The following GCC2 variants were observed in gnomAD, a reference collection of about 807,000 sequenced individuals.
GCC2 encodes GRIP and coiled-coil domain-containing protein 2.
Under a neutral mutation model 210.6 loss-of-function variants are expected in GCC2, and 120 were observed. That is an observed-to-expected ratio of 0.57 (90% CI 0.49 to 0.66). GCC2 has a LOEUF of 0.66. Ranked by LOEUF, GCC2 falls within the 30% of genes least tolerant of loss-of-function variation. The probability of loss-of-function intolerance (pLI) is 0.00; values close to 1 mark genes in which losing one functional copy is unlikely to be tolerated. For synonymous variants in GCC2, 703 were observed against 652.7 expected (o/e 1.08, Z -1.17); for missense variants, 1,868 against 1,871.9 (o/e 1.00, Z 0.04).
At chr2:108,477,084 G>C (rs1385358605) in intron 9 of GCC2, among the ~76,000 whole-genome samples, 3 of 152,070 alleles carry the variant, frequency 2.0e-5, no homozygotes. Flanking sequence ...ATTGAAAATT[G>C]TAGATTTTTT....
chr2:108,483,179 A>G lies in GCC2; in HGVS notation c.3450+13A>G, dbSNP rs1458949170. 8.4e-7 allele frequency: 1 copy of G among 1,195,092 alleles called. No homozygotes were observed. The highest frequency in any genetic ancestry group is 1.2e-6 in the Non-Finnish European group (1 of 803,246). The allele number at this position is 1,195,092 out of a possible 1,614,324, so 74.0% of individuals were successfully genotyped here. A position where few individuals can be genotyped will look rare whatever the true frequency, so the allele number is the denominator to read the frequency against. ...GCTGGTTAAAAAGGTAAAATAAAAC[A>G]CTAGGATCAAAATTGATGTAATATT... On this transcript the variant is annotated intron_variant, in intron 12 of 22. Coordinates refer to ENST00000309863, the MANE Select transcript of GCC2 (RefSeq NM_181453.4).
intron 4 of GCC2, among the ~76,000 whole-genome samples, chr2:108,468,461 A>G (rs1238058850): frequency 6.6e-6 from 1 of 152,314 alleles, no homozygotes; most frequent in African/African-American, 2.4e-5. Flanking sequence ...TAGCTGTGTT[A>G]AAAGAGCTGA....
At chr2:108,500,882 C>T (rs1682892002) in intron 22 of GCC2, among the ~76,000 whole-genome samples, 1 of 152,092 alleles carries the variant, frequency 6.6e-6, no homozygotes, top group Admixed American at 6.5e-5. Flanking sequence ...TCTCTGTCAC[C>T]TATACCTAGT....
At position 108,471,489 on chromosome 2, in the gene GCC2, TAAA is replaced by T; in HGVS notation, c.2161_2163del (p.Lys721del). ...TGTCTCAAAAAGAAGATGTTATCCTTAAAGAACATATTACTCAATTAGAAAAGA... is the reference window on the plus strand; with the variant it reads ...TGTCTCAAAAAGAAGATGTTATCCTTGAACATATTACTCAATTAGAAAAGA... On this transcript the variant is annotated inframe_deletion, in exon 6 of 23. Transcript: ENST00000309863. 4 of 1,609,626 alleles carry T rather than the reference TAAA, an allele frequency of 2.5e-6. No homozygotes were observed. Among genetic ancestry groups the T allele is most frequent in the Non-Finnish European group, 3.4e-6 (4 of 1,178,498 alleles).
At position 108,469,756 on chromosome 2, in the gene GCC2, T is replaced by C. The variant is rs1284739793; in HGVS notation, c.427T>C (p.Ser143Pro). The change falls in exon 6 of 23, where the codon TCC (serine) becomes CCC (proline). Residue 143 changes from serine to proline, a missense_variant. This residue lies in a region of GCC2 where 1,847 missense variants were observed against 1,765.2 expected (regional missense o/e 1.05). Coordinates refer to ENST00000309863, the MANE Select transcript of GCC2 (RefSeq NM_181453.4). Reference sequence around the variant, plus strand: ...GAAAAATGAGTTGATGGCAGTACGTTCCAAATACAGTGAAGACAAAGCTAA... The same window carrying C: ...GAAAAATGAGTTGATGGCAGTACGTCCCAAATACAGTGAAGACAAAGCTAA... The part of the protein sequence containing the change: ...NLKNELMAVR[S>P]KYSEDKANLQ... 6.2e-7 allele frequency: 1 copy of C among 1,613,580 alleles called. No individual in the cohort carries two copies. Among genetic ancestry groups the C allele is most frequent in the African/African-American group, 1.3e-5 (1 of 74,888 alleles).
rs2917990 is a variant in GCC2 at position 108,495,557 on chromosome 2, T to G, written c.4642+72T>G. ...CTTATTTAATTACTATTACTCTAAG[T>G]TACATATGCTTTTTTGGGCTGCTCC... On this transcript the variant is annotated intron_variant, in intron 20 of 22. Coordinates refer to ENST00000309863, the MANE Select transcript of GCC2 (RefSeq NM_181453.4). 2.4e-4 allele frequency: 252 copies of G among 1,048,680 alleles called. No homozygotes were observed. The East Asian group carries it at 4.3e-3, about 18-fold the overall frequency. 65.0% of individuals were successfully genotyped at this position (1,048,680 alleles called of 1,614,324 possible). A position where few individuals can be genotyped will look rare whatever the true frequency, so the allele number is the denominator to read the frequency against.
At chr2:108,507,407 C>CT in intron 22 of GCC2, 153 bp from the exon 23 acceptor site, 4 of 298,884 alleles carry the variant, frequency 1.3e-5, no homozygotes, top group East Asian at 1.1e-4. Flanking sequence ...AAAAAAGAAC[C>CT]CCCCCCCCCA....
At chr2:108,505,159 A>G (rs1683122897) in intron 22 of GCC2, among the ~76,000 whole-genome samples, 2 of 152,212 alleles carry the variant, frequency 1.3e-5, no homozygotes, top group South Asian at 4.1e-4. Context: ...AACACAGCAA[A>G]ATTTTTGTCA....
chr2:108,484,882 T>C (rs1174953384), intron 13 of GCC2: 1 of 151,900 alleles, frequency 6.6e-6, no homozygotes, highest in Admixed American at 6.6e-5. Flanking sequence ...GTATGTTTAT[T>C]GCGGCATTAT....
intron 16 of GCC2, among the ~76,000 whole-genome samples, chr2:108,487,360 A>G (rs1366947736): frequency 1.3e-5 from 2 of 152,172 alleles, no homozygotes. Context: ...GAGGCCTTTA[A>G]AAAGTGTAAG....
intron 20 of GCC2, 112 bp from the exon 21 acceptor site, chr2:108,496,858 A>G: frequency 7.1e-7 from 1 of 1,412,716 alleles, no homozygotes; most frequent in Non-Finnish European, 9.5e-7. Flanking sequence ...CAAAGAAAGC[A>G]GACCTATAAA....
chr2:108,456,880 T>C (rs1680303802), intron 4 of GCC2, among the ~76,000 whole-genome samples: 1 of 151,308 alleles, frequency 6.6e-6, no homozygotes, highest in Admixed American at 6.6e-5. Context: ...TCCCAGGAGG[T>C]TGAGGCTGCT....
In GCC2 at chr2:108,509,040, C is replaced by T. The variant is rs1433999304; in HGVS notation, c.*1410C>T. 6.6e-6 allele frequency: 1 copy of T among 152,614 alleles called. No homozygotes were observed. Among genetic ancestry groups the T allele is most frequent in the Non-Finnish European group, 1.5e-5 (1 of 68,040 alleles). 9.5% of individuals were successfully genotyped at this position (152,614 alleles called of 1,614,324 possible). A position where few individuals can be genotyped will look rare whatever the true frequency, so the allele number is the denominator to read the frequency against. On this transcript the variant is annotated 3_prime_UTR_variant, in exon 23 of 23. Transcript: ENST00000309863. Reference sequence around the variant, plus strand: ...ATAGCTCATATATCTCATCTTTCCTCCTGTCTTAGAAGAACAGACCTAACT... The same window carrying T: ...ATAGCTCATATATCTCATCTTTCCTTCTGTCTTAGAAGAACAGACCTAACT...
chr2:108,477,946 C>T (rs181722054), intron 9 of GCC2, among the ~76,000 whole-genome samples: 49 of 152,146 alleles, frequency 3.2e-4, no homozygotes, highest in African/African-American at 1.1e-3. Context: ...CTCTGATGGC[C>T]GAGGCACGAG....
chr2:108,466,488 T>A (rs561329961), intron 4 of GCC2, among the ~76,000 whole-genome samples: 21 of 138,044 alleles, frequency 1.5e-4, no homozygotes, highest in Admixed American at 4.2e-4. Context: ...TTATTTATTT[T>A]TTGAGACAGA....
chr2:108,492,261 A>G (rs1174910670), intron 18 of GCC2, among the ~76,000 whole-genome samples: 2 of 152,048 alleles, frequency 1.3e-5, no homozygotes, highest in Non-Finnish European at 2.9e-5. Flanking sequence ...TAATTATTTT[A>G]TGCTTTAAAT....
chr2:108,464,885 T>G (rs898485818), intron 4 of GCC2, among the ~76,000 whole-genome samples: 7 of 152,156 alleles, frequency 4.6e-5, no homozygotes, highest in African/African-American at 1.7e-4. Flanking sequence ...TAGGGAGGCC[T>G]CCAGGAGGTT....
At chr2:108,451,234 A>G in intron 3 of GCC2, 122 bp downstream of exon 3, 1 of 579,630 alleles carries the variant, frequency 1.7e-6, no homozygotes, top group Non-Finnish European at 3.0e-6. Flanking sequence ...AGTACACCTT[A>G]GTGTAGTAGA....
intron 4 of GCC2, among the ~76,000 whole-genome samples, chr2:108,456,948 TAAA>T (rs59458748): frequency 1.0e-4 from 14 of 133,640 alleles, no homozygotes; most frequent in Admixed American, 2.2e-4. Flanking sequence ...AGCCCTTACA[TAAA>T]AAAAAAAAAA....
Sources: allele counts gnomAD v4.1 joint callset (sites outside exome capture counted in the v4.1 genomes callset), GRCh38; gene constraint gnomAD v4.1.1; regional missense constraint gnomAD v4.1.1; transcripts MANE v1.5; gene names NCBI Gene and HGNC (gene_info 2026-07-23, HGNC 2026-07-21).